TRIM66: variants seen among roughly 807,000 people sequenced by gnomAD.
TRIM66 encodes the protein tripartite motif-containing protein 66.
A neutral mutation model predicts 148.2 loss-of-function variants in TRIM66; 99 were observed. The observed-to-expected ratio is 0.67, with a 90% confidence interval of 0.57 to 0.79. The LOEUF (loss-of-function observed/expected upper bound fraction) is 0.79, where lower values mean the gene tolerates loss of function less well. Ranked by LOEUF, TRIM66 falls within the 30% of genes least tolerant of loss-of-function variation. The pLI is 0.00. For missense variants in TRIM66, 1,666 were observed against 1,697.9 expected (o/e 0.98, Z 0.33); for synonymous variants, 616 against 635.9 (o/e 0.97, Z 0.47).
At chr11:8,660,756 T>G (rs2038192278) in intron 6 of TRIM66, among the ~76,000 whole-genome samples, 1 of 152,226 alleles carries the variant, frequency 6.6e-6, no homozygotes, top group Non-Finnish European at 1.5e-5. Flanking sequence ...CTTTGTGAAC[T>G]CTAATTCTGA....
rs1262927901 is a variant in TRIM66 at position 8,612,975 on chromosome 11, T to C, written c.*4969A>G. 6.6e-6 allele frequency: 1 copy of C among 152,192 alleles called. No homozygotes were observed. Among genetic ancestry groups the C allele is most frequent in the East Asian group, 1.9e-4 (1 of 5,192 alleles). The allele number at this position is 152,192 out of a possible 1,614,324, so 9.4% of individuals were successfully genotyped here. A position where few individuals can be genotyped will look rare whatever the true frequency, so the allele number is the denominator to read the frequency against. On this transcript the variant is annotated 3_prime_UTR_variant, in exon 25 of 25. Coordinates refer to ENST00000646038, the MANE Select transcript of TRIM66 (RefSeq NM_001388022.1). ...TTGGGCTGACTTAGATGGGGTCTCT[T>C]AGCAAACAGGCTAAAACCTCTGTGT...
At chr11:8,667,369 T>G (rs577334681) in intron 6 of TRIM66, among the ~76,000 whole-genome samples, 2 of 152,136 alleles carry the variant, frequency 1.3e-5, no homozygotes, top group South Asian at 4.2e-4. Flanking sequence ...TTCATGAAAA[T>G]TTAAAACTTT....
At chr11:8,644,374 TA>T (rs766175302) in intron 12 of TRIM66, 1 of 452,386 alleles carries the variant, frequency 2.2e-6, no homozygotes, top group Non-Finnish European at 4.4e-6. Context: ...AATGACCATT[TA>T]AAATCTTTAC....
rs1395375963 is a variant in TRIM66, at chr11:8,615,629, G to C, written c.*2315C>G. The C allele has an allele frequency of 1.3e-5, 2 of 152,008 alleles. No individual in the cohort carries two copies. The highest frequency in any genetic ancestry group is 4.8e-5 in the African/African-American group (2 of 41,342). 9.4% of individuals were successfully genotyped at this position (152,008 alleles called of 1,614,324 possible). On this transcript the variant is annotated 3_prime_UTR_variant, in exon 25 of 25. Transcript: ENST00000646038. ...GTGGCTAGGTCTAAAGGAAAAGCCA[G>C]CGAGAGGCAGGTGTGTAAAGGGAGC...
chr11:8,646,882 T>C (rs1375934686), intron 10 of TRIM66, among the ~76,000 whole-genome samples: 1 of 150,444 alleles, frequency 6.6e-6, no homozygotes, highest in Non-Finnish European at 1.5e-5. Context: ...TTTGTTGTGT[T>C]TAAAAGGAGG....
chr11:8,635,082 G>A (rs980168227), intron 15 of TRIM66, among the ~76,000 whole-genome samples: 3 of 152,206 alleles, frequency 2.0e-5, no homozygotes, highest in Non-Finnish European at 2.9e-5. Flanking sequence ...AAATCCAGCA[G>A]GTAAGAGGCC....
At chr11:8,635,808 C>A (rs1260308303) in intron 15 of TRIM66, among the ~76,000 whole-genome samples, 4 of 152,172 alleles carry the variant, frequency 2.6e-5, no homozygotes, top group Non-Finnish European at 5.9e-5. Context: ...CTCAGGGAAC[C>A]CTGTTGGCCA....
Position 8,624,964 on chromosome 11 carries a change from T to C in TRIM66, c.2575A>G (p.Met859Val), listed in dbSNP as rs891646002. ...GGGGAGTCACTTATCAGGTTGGGCA[T>C]GGACTGGAATGTGCTATGCACAAGG... ...PSLVHSTFQS[M>V]PNLISDSPQA... The change falls in exon 16 of 25, where the codon ATG (methionine) becomes GTG (valine). Residue 859 changes from methionine (M) to valine (V), a missense_variant. Physicochemically the swap from Met to Val is conservative, Grantham distance 21. This residue lies in a region of TRIM66 where 1,431 missense variants were observed against 1,412.4 expected (regional missense o/e 1.01). Transcript: ENST00000646038. The C allele has an allele frequency of 1.3e-6, 2 of 1,551,738 alleles. No homozygotes were observed. Among genetic ancestry groups the C allele is most frequent in the South Asian group, 2.4e-5 (2 of 84,062 alleles).
intron 13 of TRIM66, among the ~76,000 whole-genome samples, chr11:8,641,643 T>C (rs1025003939): frequency 6.6e-6 from 1 of 152,124 alleles, no homozygotes; most frequent in Non-Finnish European, 1.5e-5. Flanking sequence ...GAAGCTCTAA[T>C]ACCAGGTGAT....
In TRIM66 at chr11:8,624,663, T is replaced by C. The variant is rs112527898; in HGVS notation, c.2826+50A>G. 8.9e-5 allele frequency: 132 copies of C among 1,475,980 alleles called. No homozygotes were observed. In the African/African-American group the frequency reaches 1.7e-3, roughly 19 times the overall value. The allele number at this position is 1,475,980 out of a possible 1,614,324, so 91.4% of individuals were successfully genotyped here. A position where few individuals can be genotyped will look rare whatever the true frequency, so the allele number is the denominator to read the frequency against. Reference sequence around the variant, plus strand: ...ATAAGGGTCCCAGTGGCCAATCTTTTGCCCAATGATGAACAAAGGAAGTTT... The same window carrying C: ...ATAAGGGTCCCAGTGGCCAATCTTTCGCCCAATGATGAACAAAGGAAGTTT... On this transcript the variant is annotated intron_variant, in intron 16 of 24. Transcript: ENST00000646038.
rs1273587127 is a variant in TRIM66 at position 8,630,628 on chromosome 11, C to G, written c.2311-5400G>C. 2.6e-5 allele frequency among the ~76,000 whole-genome samples: 4 copies of G among 152,022 alleles called. No individual in the cohort carries two copies. In the East Asian group the frequency reaches 7.7e-4, roughly 29 times the overall value. ...GAGACAACCCTGAGCCTACAGAGCC[C>G]CCTCTTACCTCCCTTAACTAGCATC... On this transcript the variant is annotated intron_variant, in intron 15 of 24. Transcript: ENST00000646038.
chr11:8,682,812 A>C, upstream of TRIM66: 1 of 1,613,006 alleles, frequency 6.2e-7, no homozygotes, highest in Non-Finnish European at 8.5e-7. Context: ...TGGGCTGCCA[A>C]CATGGTAGGT....
Position 8,640,869 on chromosome 11 carries a change from C to A in TRIM66, c.1506G>T (p.Gln502His). The change falls in exon 14 of 25, where the codon CAG (glutamine) becomes CAT (histidine). Residue 502 changes from glutamine (Q) to histidine (H), a missense_variant. Gln to His is a conservative substitution (Grantham distance 24, BLOSUM62 0). Coordinates refer to ENST00000646038, the MANE Select transcript of TRIM66 (RefSeq NM_001388022.1). Reference protein sequence around the residue: ...FRQPPEMVPQQLGSLQCSALL... With the variant: ...FRQPPEMVPQHLGSLQCSALL... The stretch of plus-strand genomic sequence containing the variant: ...GGGCAGAGCACTGCAGAGACCCCAG[C>A]TGCTGGGGCACCATCTCAGGGGGCT... 1 of 1,550,444 alleles carries A rather than the reference C, an allele frequency of 6.4e-7. No individual in the cohort carries two copies. The highest frequency in any genetic ancestry group is 8.7e-7 in the Non-Finnish European group (1 of 1,146,966).
Position 8,625,017 on chromosome 11 carries a change from G to A in TRIM66, c.2522C>T (p.Thr841Ile), listed in dbSNP as rs1196102130. Residue 841 changes from threonine (T) to isoleucine (I), a missense_variant, in exon 16 of 25, where the codon ACA (threonine) becomes ATA (isoleucine). Physicochemically the swap from Thr to Ile is moderately conservative, Grantham distance 89. Transcript: ENST00000646038. Reference protein sequence around the residue: ...SVQNQAMPSLTTSHLQTVPSL... With the variant: ...SVQNQAMPSLITSHLQTVPSL... Reference sequence around the variant, plus strand: ...GGGCACAGTCTGTAGGTGACTGGTTGTCAGGCTGGGCATGGCCTGGTTTTG... The same window carrying A: ...GGGCACAGTCTGTAGGTGACTGGTTATCAGGCTGGGCATGGCCTGGTTTTG... 3.9e-6 allele frequency: 6 copies of A among 1,551,602 alleles called. No individual in the cohort carries two copies. The highest frequency in any genetic ancestry group is 3.5e-6 in the Non-Finnish European group (4 of 1,146,978).
intron 15 of TRIM66, among the ~76,000 whole-genome samples, chr11:8,634,497 T>C (rs1456719659): frequency 1.3e-5 from 2 of 152,210 alleles, no homozygotes; most frequent in East Asian, 3.8e-4. Flanking sequence ...ATTGTGTGTA[T>C]TTTTCGGCAG....
chr11:8,619,479 C>T lies in TRIM66; in HGVS notation c.3804G>A (p.Arg1268=). 1 of 1,551,386 alleles carries T rather than the reference C, an allele frequency of 6.4e-7. No homozygotes were observed. The highest frequency in any genetic ancestry group is 2.4e-5 in the East Asian group (1 of 40,890). The change falls in exon 23 of 25, where the codon AGG becomes AGA. Residue 1268 remains arginine (R), a synonymous_variant. Transcript: ENST00000646038. ...KRPMDLSIIR[R]KLQKKDPAHY... is the part of the protein sequence containing the mutation. ...GAGCTGGGTCCTTCTTTTGCAGCTT[C>T]CTCCGGATGATTGACAGGTCCATGG... is the stretch of plus-strand genomic sequence containing the variant.
At chr11:8,660,455 A>G (rs2038168676) in intron 6 of TRIM66, among the ~76,000 whole-genome samples, 1 of 152,198 alleles carries the variant, frequency 6.6e-6, no homozygotes, top group Admixed American at 6.5e-5. Flanking sequence ...AACCTAAAAC[A>G]GGGGTCAGAA....
In TRIM66 at chr11:8,619,503, G is replaced by A. The variant is rs1202145965; in HGVS notation, c.3780C>T (p.Pro1260=). ...ARHYYQIIKR[P]MDLSIIRRKL... ...TCCTCCGGATGATTGACAGGTCCAT[G>A]GGCCTCTTGATAATCTGGTAATAAT... Residue 1260 remains proline, a synonymous_variant, in exon 23 of 25, where the codon CCC becomes CCT. Transcript: ENST00000646038. 2 of 1,550,328 alleles carry A rather than the reference G, an allele frequency of 1.3e-6. No individual in the cohort carries two copies. Among genetic ancestry groups the A allele is most frequent in the Admixed American group, 2.0e-5 (1 of 50,760 alleles).
chr11:8,644,591 T>C (rs1484799764), intron 12 of TRIM66, among the ~76,000 whole-genome samples: 1 of 152,132 alleles, frequency 6.6e-6, no homozygotes, highest in East Asian at 1.9e-4. Context: ...CTCTATATCC[T>C]TCCTCCTGCT....
Sources: gnomAD v4.1 joint callset for allele counts (sites outside exome capture counted in the v4.1 genomes callset) on GRCh38, gnomAD v4.1.1 for gene constraint, gnomAD v4.1.1 regional missense constraint, MANE v1.5 for transcripts, NCBI Gene and HGNC (gene_info 2026-07-23, HGNC 2026-07-21) for gene names.